Variants in CUX2 observed in about 807,000 individuals in gnomAD.
CUX2 encodes cut like homeobox 2, also known as homeobox protein cut-like 2.
Under a neutral mutation model 144.8 loss-of-function variants are expected in CUX2, and 40 were observed. The ratio of observed to expected loss-of-function variants is 0.28; its 90% CI spans 0.21 to 0.36. CUX2 has a LOEUF of 0.36. Among genes scored for constraint, CUX2 ranks in the 10% least tolerant of loss-of-function variants. The pLI is 1.00. For missense variants in CUX2, 1,615 were observed against 1,994.0 expected, an observed-to-expected ratio of 0.81 and a Z score of 3.62; for synonymous variants, 827 against 875.6, an observed-to-expected ratio of 0.94 and a Z score of 0.98.
At chr12:111,265,291 C>CTATTT (rs770725447) in intron 4 of CUX2, among the ~76,000 whole-genome samples, 56 of 149,704 alleles carry the variant, frequency 3.7e-4, no homozygotes, top group Non-Finnish European at 6.2e-4. Flanking sequence ...AAAGCTTCCC[C>CTATTT]TATTTTATTT....
intron 3 of CUX2, among the ~76,000 whole-genome samples, chr12:111,242,980 T>C (rs1883103737): frequency 6.6e-6 from 1 of 152,216 alleles, no homozygotes; most frequent in African/African-American, 2.4e-5. Context: ...TGTGTTAGTT[T>C]GCTGAATATG....
At chr12:111,250,282 C>G (rs1883499727) in intron 3 of CUX2, among the ~76,000 whole-genome samples, 1 of 152,104 alleles carries the variant, frequency 6.6e-6, no homozygotes, top group Non-Finnish European at 1.5e-5. Flanking sequence ...CACACAGATT[C>G]CAGCCCCAAA....
intron 1 of CUX2, among the ~76,000 whole-genome samples, chr12:111,185,418 CT>C (rs1486034229): frequency 3.9e-5 from 6 of 152,346 alleles, no homozygotes; most frequent in African/African-American, 1.4e-4. Context: ...CTATGCCTCA[CT>C]TTTGCCATCT....
intron 1 of CUX2, among the ~76,000 whole-genome samples, chr12:111,201,971 A>G (rs756148535): frequency 6.6e-6 from 1 of 152,196 alleles, no homozygotes; most frequent in Non-Finnish European, 1.5e-5. Context: ...AGGAATTATT[A>G]GGAACACAGA....
At chr12:111,207,150 A>G (rs1880964092) in intron 1 of CUX2, among the ~76,000 whole-genome samples, 1 of 152,156 alleles carries the variant, frequency 6.6e-6, no homozygotes, top group Admixed American at 6.5e-5. Context: ...CCAACTTGGG[A>G]CCACACTATG....
chr12:111,034,945 G>A lies in CUX2; in HGVS notation c.63+705G>A, dbSNP rs188289925. Among the ~76,000 whole-genome samples, 1 of 152,008 alleles carries A rather than the reference G, an allele frequency of 6.6e-6. No individual in the cohort carries two copies. The highest frequency in any genetic ancestry group is 1.9e-4 in the East Asian group (1 of 5,162). On this transcript the variant is annotated intron_variant, in intron 1 of 21. Transcript: ENST00000261726. The surrounding 1 kb of genome is among the most constrained non-coding windows in gnomAD (Gnocchi z 4.2). ...TCTTCTCCTCGGGCCGGGGTCTTGG[G>A]GTTCGTCTTGCTTCTTGCCTTTACC... is the stretch of plus-strand genomic sequence containing the variant.
chr12:111,120,202 T>C (rs1230843180), intron 1 of CUX2, among the ~76,000 whole-genome samples: 2 of 152,226 alleles, frequency 1.3e-5, no homozygotes, highest in African/African-American at 4.8e-5. Context: ...ACAGCAACTC[T>C]CTTCATTATC....
At chr12:111,078,385 G>A (rs1158217774) in intron 1 of CUX2, among the ~76,000 whole-genome samples, 1 of 152,164 alleles carries the variant, frequency 6.6e-6, no homozygotes, top group Non-Finnish European at 1.5e-5. Context: ...AGGTGTTGGG[G>A]GCCAGGTGCA....
chr12:111,253,862 A>G (rs1883687281), intron 3 of CUX2, among the ~76,000 whole-genome samples: 1 of 149,114 alleles, frequency 6.7e-6, no homozygotes, highest in Admixed American at 6.8e-5. Flanking sequence ...CTGTTTCCTC[A>G]AAAGTAGTTG....
At chr12:111,127,485 A>G (rs888877119) in intron 1 of CUX2, among the ~76,000 whole-genome samples, 6 of 152,210 alleles carry the variant, frequency 3.9e-5, no homozygotes, top group African/African-American at 9.7e-5. Flanking sequence ...ATCAGCCAGC[A>G]CAGTAACTCC....
At chr12:111,339,277 G>A (rs1197868238) in intron 20 of CUX2, among the ~76,000 whole-genome samples, 1 of 151,778 alleles carries the variant, frequency 6.6e-6, no homozygotes, top group African/African-American at 2.4e-5. Context: ...CCCATCTCTT[G>A]TTGTCCTTTC....
At chr12:111,120,023 A>C (rs760190015) in intron 1 of CUX2, among the ~76,000 whole-genome samples, 11 of 152,108 alleles carry the variant, frequency 7.2e-5, no homozygotes, top group African/African-American at 9.7e-5. Context: ...GCGGCACTGC[A>C]CTCCAGCCTG....
At chr12:111,083,030 C>T (rs1592875184) in intron 1 of CUX2, among the ~76,000 whole-genome samples, 1 of 152,258 alleles carries the variant, frequency 6.6e-6, no homozygotes, top group Non-Finnish European at 1.5e-5. Flanking sequence ...ATGGTAGGGG[C>T]TGCCCTGTGC....
At chr12:111,046,629 T>C (rs1870006243) in intron 1 of CUX2, among the ~76,000 whole-genome samples, 1 of 152,140 alleles carries the variant, frequency 6.6e-6, no homozygotes, top group African/African-American at 2.4e-5. Flanking sequence ...ACAATCACTA[T>C]GTCAGTATTT....
At chr12:111,330,734 T>TATATACATATAC (rs1888083230) in intron 18 of CUX2, among the ~76,000 whole-genome samples, 1 of 54,856 alleles carries the variant, frequency 1.8e-5, no homozygotes, top group African/African-American at 7.1e-5. Flanking sequence ...TATATATATA[T>TATATACATATAC]ATATATATAT....
At chr12:111,044,625 A>G (rs1349346908) in intron 1 of CUX2, among the ~76,000 whole-genome samples, 2 of 152,176 alleles carry the variant, frequency 1.3e-5, no homozygotes, top group Admixed American at 6.5e-5. Context: ...CTGATGTGAT[A>G]ATATTTATTT....
chr12:111,220,036 C>T (rs996564913), intron 3 of CUX2, among the ~76,000 whole-genome samples: 1 of 151,616 alleles, frequency 6.6e-6, no homozygotes, highest in African/African-American at 2.4e-5. Flanking sequence ...TCCAATTACT[C>T]AGGAGTCTGA....
At chr12:111,347,456 A>T (rs899511100) in intron 21 of CUX2, 68 bp from the exon 22 acceptor site, 1 of 1,447,062 alleles carries the variant, frequency 6.9e-7, no homozygotes, top group Admixed American at 2.2e-5. Flanking sequence ...AATGCCATGT[A>T]TGCAGATGGA....
chr12:111,147,858 G>A lies in CUX2; in HGVS notation c.64-66342G>A, dbSNP rs149275892. On this transcript the variant is annotated intron_variant, in intron 1 of 21. Coordinates refer to ENST00000261726, the MANE Select transcript of CUX2 (RefSeq NM_015267.4). The stretch of plus-strand genomic sequence containing the variant: ...TCTCAGCAAACGAGTCCTCCAGGGG[G>A]CCCAGGCTCCCAGACACAGGGGCTG... 5.9e-5 allele frequency among the ~76,000 whole-genome samples: 9 copies of A among 152,266 alleles called. No homozygotes were observed. The East Asian group carries it at 1.7e-3, about 29-fold the overall frequency.
Sources: allele counts gnomAD v4.1 joint callset (sites outside exome capture counted in the v4.1 genomes callset), GRCh38; gene constraint gnomAD v4.1.1; non-coding constraint Gnocchi (gnomAD v3.1); transcripts MANE v1.5; gene names NCBI Gene and HGNC (gene_info 2026-07-23, HGNC 2026-07-21).